Variants in CLDN14 observed in about 807,000 individuals in gnomAD.
CLDN14 encodes claudin-14.
In CLDN14, 2 loss-of-function variants were observed where a neutral mutation model predicts 2.1. The observed-to-expected ratio is 0.96, with a 90% CI of 0.39 to 3.01. The LOEUF (loss-of-function observed/expected upper bound fraction) is 3.01. CLDN14 is among the 30% of genes most tolerant of loss of function. The pLI, the probability that CLDN14 is intolerant of heterozygous loss-of-function variation, is 0.09. For synonymous variants in CLDN14, 136 were observed against 154.4 expected, an observed-to-expected ratio of 0.88 and a Z score of 0.88; for missense variants, 298 against 328.0, an observed-to-expected ratio of 0.91 and a Z score of 0.71.
chr21:36,507,241 G>A (rs1284775325), intron 2 of CLDN14, among the ~76,000 whole-genome samples: 5 of 152,104 alleles, frequency 3.3e-5, no homozygotes, highest in Non-Finnish European at 7.4e-5. Flanking sequence ...ACATCAACAA[G>A]GAAAAAACAC....
At position 36,461,358 on chromosome 21, in the gene CLDN14, G is replaced by A; in HGVS notation, c.338C>T (p.Ala113Val). 6.2e-7 allele frequency: 1 copy of A among 1,613,254 alleles called. No homozygotes were observed. Among genetic ancestry groups the A allele is most frequent in the African/African-American group, 1.3e-5 (1 of 75,056 alleles). The change falls in exon 2 of 2, where the codon GCC (alanine) becomes GTC (valine). Residue 113 changes from alanine (A) to valine (V), a missense_variant. Coordinates refer to ENST00000399135, the MANE Select transcript of CLDN14 (RefSeq NM_001146079.2). ...GCCGAGGATGGCAAAGGTGGTCTTG[G>A]CGGGTGTGCCCTTGGCGCAGCGCGT... ...KCTRCAKGTPAKTTFAILGGT... is the reference protein window; with the variant it reads ...KCTRCAKGTPVKTTFAILGGT...
chr21:36,467,394 C>G (rs537594020), intron 1 of CLDN14, among the ~76,000 whole-genome samples: 2 of 152,124 alleles, frequency 1.3e-5, no homozygotes, highest in South Asian at 4.1e-4. Flanking sequence ...GTCTTGACTG[C>G]CTGGGGTCCC....
At chr21:36,473,553 A>G (rs2086736402) in intron 1 of CLDN14, among the ~76,000 whole-genome samples, 1 of 152,226 alleles carries the variant, frequency 6.6e-6, no homozygotes, top group Non-Finnish European at 1.5e-5. Flanking sequence ...TTTCTTTTGG[A>G]CTTGTTCAGT....
chr21:36,461,475 G>C lies in CLDN14; in HGVS notation c.221C>G (p.Pro74Arg), dbSNP rs908752693. Residue 74 changes from proline (P) to arginine (R), a missense_variant, in exon 2 of 2, where the codon CCC (proline) becomes CGC (arginine). By Grantham distance (103) the Pro-to-Arg change is moderately radical. Transcript: ENST00000399135. ...GGCGCGGGCAGCCTGGAGGTCTTGG[G>C]GCAGCGCCAGCAGGGATCGGTAGAT... Reference protein sequence around the residue: ...CQIYRSLLALPQDLQAARALM... With the variant: ...CQIYRSLLALRQDLQAARALM... 6 of 1,613,294 alleles carry C rather than the reference G, an allele frequency of 3.7e-6. No individual in the cohort carries two copies. Among genetic ancestry groups the C allele is most frequent in the Non-Finnish European group, 5.1e-6 (6 of 1,180,008 alleles).
chr21:36,560,453 C>T (rs528051704), intron 1 of CLDN14, among the ~76,000 whole-genome samples: 7 of 152,206 alleles, frequency 4.6e-5, no homozygotes, highest in Admixed American at 3.3e-4. Context: ...TTCTAACTTT[C>T]GAGAGATGGG....
intron 1 of CLDN14, among the ~76,000 whole-genome samples, chr21:36,475,514 C>G (rs189782844): frequency 6.6e-6 from 1 of 152,318 alleles, no homozygotes; most frequent in South Asian, 2.1e-4. Flanking sequence ...CTCCCCCACC[C>G]GGTGATTCTG....
At chr21:36,545,104 G>C (rs1177451430) in intron 1 of CLDN14, among the ~76,000 whole-genome samples, 1 of 152,196 alleles carries the variant, frequency 6.6e-6, no homozygotes, top group Non-Finnish European at 1.5e-5. Flanking sequence ...ATGGAGAGAG[G>C]GAGGCAGGGC....
At chr21:36,575,382 C>T (rs186421379) in intron 1 of CLDN14, among the ~76,000 whole-genome samples, 1 of 152,316 alleles carries the variant, frequency 6.6e-6, no homozygotes, top group Admixed American at 6.5e-5. Context: ...CACAATTCTC[C>T]TAAGAGGTAG....
chr21:36,547,625 C>T (rs1008126006), intron 1 of CLDN14, among the ~76,000 whole-genome samples: 2 of 152,164 alleles, frequency 1.3e-5, no homozygotes, highest in African/African-American at 4.8e-5. Context: ...GCGAGGGTCC[C>T]TGTGCCAAGC....
chr21:36,492,766 C>T (rs2086981142), intron 2 of CLDN14, among the ~76,000 whole-genome samples: 1 of 152,212 alleles, frequency 6.6e-6, no homozygotes, highest in East Asian at 1.9e-4. Flanking sequence ...GATGATGCGA[C>T]TACAAGCCAG....
upstream of CLDN14, among the ~76,000 whole-genome samples, chr21:36,482,395 TGGATGGATGGATAGAC>T (rs2086855245): frequency 3.6e-5 from 5 of 139,466 alleles, no homozygotes; most frequent in African/African-American, 1.1e-4. Context: ...GATGGATGGA[TGGATGGATGGATAGAC>T]GGATGGATGG....
intron 2 of CLDN14, among the ~76,000 whole-genome samples, chr21:36,508,394 C>T (rs902824136): frequency 6.6e-6 from 1 of 152,186 alleles, no homozygotes; most frequent in Non-Finnish European, 1.5e-5. Context: ...AGGTGGAAAT[C>T]CTTCACAATC....
chr21:36,467,759 C>T (rs966332885), intron 1 of CLDN14, among the ~76,000 whole-genome samples: 1 of 152,188 alleles, frequency 6.6e-6, no homozygotes, highest in African/African-American at 2.4e-5. Context: ...GTCACCTCAT[C>T]CCTTGCAAAA....
intron 1 of CLDN14, among the ~76,000 whole-genome samples, chr21:36,517,356 T>C (rs2835375): frequency 0.82 from 125,074 of 151,850 alleles, 52,298 homozygotes; most frequent in Middle Eastern, 0.93. Context: ...AAAACATTTA[T>C]TGTCTGGCCC....
In CLDN14 at chr21:36,479,997, G is replaced by T. The variant is rs986206411; in HGVS notation, c.-584C>A. 6.6e-6 allele frequency: 1 copy of T among 152,322 alleles called. No individual in the cohort carries two copies. The highest frequency in any genetic ancestry group is 1.5e-5 in the Non-Finnish European group (1 of 68,144). The allele number at this position is 152,322 out of a possible 1,614,324, so 9.4% of individuals were successfully genotyped here. ...CCCTGTGTCCTGGAACTGCCTGATT[G>T]TTGTAGATTACTAAAAATCCACAGC... On this transcript the variant is annotated 5_prime_UTR_variant, in exon 1 of 2. Transcript: ENST00000399135.
chr21:36,507,906 A>G (rs1000012288), intron 2 of CLDN14, among the ~76,000 whole-genome samples: 2 of 152,206 alleles, frequency 1.3e-5, no homozygotes, highest in Admixed American at 6.5e-5. Flanking sequence ...CTGATTCACT[A>G]TGATACCATT....
chr21:36,574,615 C>T (rs1193502556), intron 1 of CLDN14, among the ~76,000 whole-genome samples: 2 of 152,128 alleles, frequency 1.3e-5, no homozygotes, highest in African/African-American at 4.8e-5. Context: ...TGTTTTATAT[C>T]TTGTTTTGAT....
intron 1 of CLDN14, among the ~76,000 whole-genome samples, chr21:36,529,173 A>G (rs1234977628): frequency 1.3e-5 from 2 of 152,240 alleles, no homozygotes; most frequent in East Asian, 1.9e-4. Flanking sequence ...TTCTTAATCT[A>G]AAAATGCTTT....
At chr21:36,490,949 G>GACAGACACACAC (rs775319552) in intron 2 of CLDN14, among the ~76,000 whole-genome samples, 1 of 148,756 alleles carries the variant, frequency 6.7e-6, no homozygotes, top group African/African-American at 2.5e-5. Context: ...CAAGTGCACA[G>GACAGACACACAC]ACACACACAC....
Sources: allele counts gnomAD v4.1 joint callset (sites outside exome capture counted in the v4.1 genomes callset), GRCh38; gene constraint gnomAD v4.1.1; transcripts MANE v1.5; gene names NCBI Gene and HGNC (gene_info 2026-07-23, HGNC 2026-07-21).